The following PBX3 variants were observed in gnomAD, a reference collection of about 807,000 sequenced individuals.
The protein encoded by PBX3 is PBX homeobox 3, also known as pre-B-cell leukemia transcription factor 3.
A neutral mutation model predicts 48.5 loss-of-function variants in PBX3; 14 were observed. The observed-to-expected ratio is 0.29, with a 90% CI of 0.19 to 0.45. The LOEUF is 0.45. Among genes scored for constraint, PBX3 ranks in the 20% least tolerant of loss-of-function variants. The pLI, the probability that PBX3 is intolerant of heterozygous loss-of-function variation, is 1.00. For missense variants in PBX3, 386 were observed against 546.7 expected (o/e 0.71, Z 2.93); for synonymous variants, 210 against 200.3 (o/e 1.05, Z -0.41).
At chr9:125,833,952 T>C (rs1839043113) in intron 2 of PBX3, among the ~76,000 whole-genome samples, 1 of 152,198 alleles carries the variant, frequency 6.6e-6, no homozygotes, top group African/African-American at 2.4e-5. Flanking sequence ...CATTTTGTAT[T>C]TCTACCTGCA....
At chr9:125,949,629 A>G (rs1275198514) in intron 5 of PBX3, among the ~76,000 whole-genome samples, 2 of 152,214 alleles carry the variant, frequency 1.3e-5, no homozygotes, top group Non-Finnish European at 2.9e-5. Flanking sequence ...TTTTGAGGAT[A>G]GGTATACCCA....
intron 2 of PBX3, among the ~76,000 whole-genome samples, chr9:125,870,675 T>C (rs951681549): frequency 3.9e-5 from 6 of 152,110 alleles, no homozygotes; most frequent in African/African-American, 1.4e-4. Flanking sequence ...TAAAATAATA[T>C]CTAATTTGTA....
chr9:125,823,959 C>G (rs891500927), intron 2 of PBX3, among the ~76,000 whole-genome samples: 1 of 151,868 alleles, frequency 6.6e-6, no homozygotes, highest in South Asian at 2.1e-4. Flanking sequence ...ACCTGTAGTC[C>G]CAGCCACTCA....
rs1176092145 is a variant in PBX3, at chr9:125,966,927, A to G, written c.*1004A>G. 2 of 152,552 alleles carry G rather than the reference A, an allele frequency of 1.3e-5. No homozygotes were observed. Among genetic ancestry groups the G allele is most frequent in the African/African-American group, 4.8e-5 (2 of 41,424 alleles). The allele number at this position is 152,552 out of a possible 1,614,324, so 9.4% of individuals were successfully genotyped here. A position where few individuals can be genotyped will look rare whatever the true frequency, so the allele number is the denominator to read the frequency against. On this transcript the variant is annotated 3_prime_UTR_variant, in exon 9 of 9. Coordinates refer to ENST00000373489, the MANE Select transcript of PBX3 (RefSeq NM_006195.6). ...TCTTTGTTTCCCTTCATAAAATGTAATGTACATTGTAATCTTTTAAAAGAA... is the reference window on the plus strand; with the variant it reads ...TCTTTGTTTCCCTTCATAAAATGTAGTGTACATTGTAATCTTTTAAAAGAA...
intron 2 of PBX3, chr9:125,749,438 C>G (rs1390227394): frequency 2.0e-5 from 3 of 152,174 alleles, no homozygotes; most frequent in Admixed American, 2.0e-4. Context: ...CGTGAGGTAA[C>G]TGCTCAAACT....
chr9:125,954,412 T>C (rs1243203690), intron 5 of PBX3, among the ~76,000 whole-genome samples: 1 of 152,246 alleles, frequency 6.6e-6, no homozygotes, highest in Non-Finnish European at 1.5e-5. Flanking sequence ...TTTCCATATA[T>C]TCCTTTTGTA....
chr9:125,819,304 G>A (rs939254805), intron 2 of PBX3, among the ~76,000 whole-genome samples: 4 of 151,880 alleles, frequency 2.6e-5, no homozygotes, highest in African/African-American at 9.7e-5. Flanking sequence ...CTAGGTGGGC[G>A]GATCACCTGA....
intron 3 of PBX3, among the ~76,000 whole-genome samples, chr9:125,919,919 C>G (rs1268174055): frequency 6.6e-6 from 1 of 152,156 alleles, no homozygotes; most frequent in East Asian, 1.9e-4. Context: ...ATGGTATTGT[C>G]TTTAAAATCC....
chr9:125,764,990 A>G (rs765862617), intron 2 of PBX3, among the ~76,000 whole-genome samples: 113 of 152,156 alleles, frequency 7.4e-4, no homozygotes, highest in Non-Finnish European at 1.4e-3. Flanking sequence ...AAATCCAATC[A>G]ATAAAATTAA....
chr9:125,799,476 G>A (rs1012950082), intron 2 of PBX3, among the ~76,000 whole-genome samples: 19 of 152,134 alleles, frequency 1.2e-4, no homozygotes, highest in Admixed American at 9.8e-4. Flanking sequence ...ACTGCACTCC[G>A]GCCTGGGTAA....
intron 5 of PBX3, among the ~76,000 whole-genome samples, chr9:125,950,325 G>A (rs1229636214): frequency 6.6e-6 from 1 of 152,090 alleles, no homozygotes; most frequent in Non-Finnish European, 1.5e-5. Context: ...ATTTTTCACA[G>A]CCTCAGATAA....
At chr9:125,957,311 C>T (rs1842331298) in intron 5 of PBX3, among the ~76,000 whole-genome samples, 1 of 152,220 alleles carries the variant, frequency 6.6e-6, no homozygotes, top group Non-Finnish European at 1.5e-5. Flanking sequence ...GTCAAGGAAA[C>T]AGTGCCCACA....
chr9:125,824,816 T>C (rs1161330062), intron 2 of PBX3, among the ~76,000 whole-genome samples: 1 of 152,130 alleles, frequency 6.6e-6, no homozygotes, highest in Admixed American at 6.5e-5. Flanking sequence ...GCTGTTGTTA[T>C]GTAACAATAA....
At chr9:125,914,403 A>G (rs1290487359) in intron 2 of PBX3, among the ~76,000 whole-genome samples, 1 of 152,206 alleles carries the variant, frequency 6.6e-6, no homozygotes, top group Non-Finnish European at 1.5e-5. Flanking sequence ...TGTTAAGGCA[A>G]CCAAGAGCTC....
At chr9:125,780,575 C>G (rs1837246180) in intron 2 of PBX3, among the ~76,000 whole-genome samples, 1 of 140,152 alleles carries the variant, frequency 7.1e-6, no homozygotes, top group Non-Finnish European at 1.6e-5. Flanking sequence ...CTCCTCACTT[C>G]CCAGTAGGGG....
At chr9:125,750,838 G>C (rs1032675351) in intron 2 of PBX3, among the ~76,000 whole-genome samples, 2 of 152,138 alleles carry the variant, frequency 1.3e-5, no homozygotes, top group Non-Finnish European at 2.9e-5. Context: ...GTGATTGATG[G>C]GGGTGAAGCT....
intron 3 of PBX3, among the ~76,000 whole-genome samples, chr9:125,921,436 T>C (rs1422135999): frequency 6.6e-6 from 1 of 152,184 alleles, no homozygotes; most frequent in African/African-American, 2.4e-5. Context: ...GACATAAAAA[T>C]AGTATGAATT....
In PBX3 at chr9:125,818,912, T is replaced by C. The variant is rs2132151912; in HGVS notation, c.274+70289T>C. Among the ~76,000 whole-genome samples, 2 of 151,896 alleles carry C rather than the reference T, an allele frequency of 1.3e-5. 1 individual carries two copies. Among genetic ancestry groups the C allele is most frequent in the African/African-American group, 4.8e-5 (2 of 41,422 alleles). Reference sequence around the variant, plus strand: ...GTGCAGTGGTGTGATCTCGGCTGACTGCAGCCTCCGTCTCCCAGGTTCAAG... The same window carrying C: ...GTGCAGTGGTGTGATCTCGGCTGACCGCAGCCTCCGTCTCCCAGGTTCAAG... On this transcript the variant is annotated intron_variant, in intron 2 of 8. Transcript: ENST00000373489.
At chr9:125,921,734 A>T (rs943348332) in intron 3 of PBX3, among the ~76,000 whole-genome samples, 1 of 152,198 alleles carries the variant, frequency 6.6e-6, no homozygotes. Context: ...TTGATTTAAT[A>T]AGCATTCAGT....
Sources: allele counts gnomAD v4.1 joint callset (sites outside exome capture counted in the v4.1 genomes callset), GRCh38; gene constraint gnomAD v4.1.1; transcripts MANE v1.5; gene names NCBI Gene and HGNC (gene_info 2026-07-23, HGNC 2026-07-21).